CSMD3: variants seen among roughly 807,000 people sequenced by gnomAD.
CSMD3 encodes the protein CUB and sushi domain-containing protein 3.
Under a neutral mutation model 435.2 loss-of-function variants are expected in CSMD3, and 177 were observed. That is an observed-to-expected ratio of 0.41 (90% confidence interval 0.36 to 0.46). The LOEUF (loss-of-function observed/expected upper bound fraction) is 0.46. CSMD3 is among the 20% of genes least tolerant of loss of function. The probability of loss-of-function intolerance (pLI) is 0.34; values close to 1 mark genes in which losing one functional copy is unlikely to be tolerated. For missense variants in CSMD3, 4,265 were observed against 4,504.6 expected (o/e 0.95, Z 1.52); for synonymous variants, 1,656 against 1,520.5 (o/e 1.09, Z -2.07).
At position 113,032,608 on chromosome 8, in the gene CSMD3, G is replaced by A. The variant is rs148911478; in HGVS notation, c.918-13429C>T. 1.4e-3 allele frequency among the ~76,000 whole-genome samples: 210 copies of A among 151,706 alleles called. 4 individuals carry two copies. The highest frequency in any genetic ancestry group is 3.4e-3 in the Middle Eastern group (1 of 294). ...GAGATGGTTTGAAATTGGAATTTAC[G>A]TTTAAAAGGAAAGTAAAGCATAAAG... On this transcript the variant is annotated intron_variant, in intron 5 of 70. Coordinates refer to ENST00000297405, the MANE Select transcript of CSMD3 (RefSeq NM_198123.2).
intron 32 of CSMD3, among the ~76,000 whole-genome samples, chr8:112,464,038 C>T (rs1418018197): frequency 5.3e-5 from 8 of 151,944 alleles, no homozygotes; most frequent in Non-Finnish European, 1.0e-4. Flanking sequence ...AGATCGAGAC[C>T]ATCCTGGCTA....
chr8:113,152,321 T>G (rs1465137669), intron 4 of CSMD3, among the ~76,000 whole-genome samples: 2 of 152,038 alleles, frequency 1.3e-5, no homozygotes, highest in Non-Finnish European at 2.9e-5. Flanking sequence ...TAAAATACTC[T>G]CTATTTCACG....
chr8:112,804,322 A>C, intron 12 of CSMD3, among the ~76,000 whole-genome samples: 1 of 140,340 alleles, frequency 7.1e-6, no homozygotes, highest in South Asian at 2.3e-4. Context: ...GTGAAGAAGA[A>C]AATAAATTAA....
At chr8:112,938,351 C>T (rs563049033) in intron 9 of CSMD3, among the ~76,000 whole-genome samples, 76 of 152,302 alleles carry the variant, frequency 5.0e-4, no homozygotes, top group African/African-American at 1.7e-3. Context: ...TGACTGTATA[C>T]CTCGAATTGT....
At chr8:112,635,006 T>C (rs1405205161) in intron 22 of CSMD3, among the ~76,000 whole-genome samples, 1 of 151,958 alleles carries the variant, frequency 6.6e-6, no homozygotes, top group African/African-American at 2.4e-5. Context: ...GATAATAATA[T>C]CAGGATTTTA....
chr8:112,645,126 T>G lies in CSMD3; in HGVS notation c.3293A>C (p.Asp1098Ala). The change falls in exon 20 of 71, where the codon GAT becomes GCT. Residue 1098 changes from aspartate (D) to alanine (A), a missense_variant. Physicochemically the swap from Asp to Ala is moderately radical, Grantham distance 126. Around this residue, in one of 3 missense-constraint regions of CSMD3, gnomAD observed 3,255 missense variants for 3,380.2 expected, o/e 0.96. Coordinates refer to ENST00000297405, the MANE Select transcript of CSMD3 (RefSeq NM_198123.2). Reference sequence around the variant, plus strand: ...CAAATTACCTTTTCCATGGGTTACATCAACAGTCCATGTACAATTCAGAGA... The same window carrying G: ...CAAATTACCTTTTCCATGGGTTACAGCAACAGTCCATGTACAATTCAGAGA... ...PNSLNCTWTV[D>A]VTHGKGVQFN... 1 of 1,572,560 alleles carries G rather than the reference T, an allele frequency of 6.4e-7. No individual in the cohort carries two copies. Among genetic ancestry groups the G allele is most frequent in the Non-Finnish European group, 8.8e-7 (1 of 1,142,162 alleles).
intron 3 of CSMD3, among the ~76,000 whole-genome samples, chr8:113,190,476 T>C (rs144863235): frequency 1.3e-4 from 19 of 151,830 alleles, no homozygotes; most frequent in Non-Finnish European, 1.8e-4. Flanking sequence ...AAGAGTCCAT[T>C]TGGGAATGGA....
At chr8:112,678,988 G>GAAAA (rs557957607) in intron 16 of CSMD3, among the ~76,000 whole-genome samples, 1 of 150,166 alleles carries the variant, frequency 6.7e-6, no homozygotes, top group African/African-American at 2.4e-5. Flanking sequence ...ACTGTCTACA[G>GAAAA]AAAAAAGGAG....
At chr8:112,747,792 T>C (rs2077468963) in intron 13 of CSMD3, among the ~76,000 whole-genome samples, 1 of 151,466 alleles carries the variant, frequency 6.6e-6, no homozygotes, top group East Asian at 2.0e-4. Flanking sequence ...TGAAACCCCG[T>C]CTCTACTAAA....
intron 13 of CSMD3, among the ~76,000 whole-genome samples, chr8:112,714,063 C>T (rs2076670457): frequency 1.3e-5 from 2 of 152,048 alleles, no homozygotes; most frequent in South Asian, 4.1e-4. Context: ...ATCAAATTCC[C>T]ACATAATAAT....
chr8:112,845,106 C>T (rs1176279328), intron 11 of CSMD3, among the ~76,000 whole-genome samples: 3 of 151,916 alleles, frequency 2.0e-5, no homozygotes, highest in Non-Finnish European at 2.9e-5. Flanking sequence ...AGAGACATTC[C>T]TAGAAAGAGC....
intron 1 of CSMD3, among the ~76,000 whole-genome samples, chr8:113,400,025 G>A (rs2094502916): frequency 1.3e-5 from 2 of 151,660 alleles, no homozygotes; most frequent in African/African-American, 4.8e-5. Context: ...TGTTATGAAA[G>A]GCAATGGTGA....
At chr8:112,789,891 A>C (rs968802475) in intron 13 of CSMD3, among the ~76,000 whole-genome samples, 1 of 152,004 alleles carries the variant, frequency 6.6e-6, no homozygotes, top group Non-Finnish European at 1.5e-5. Context: ...TAATGAATGC[A>C]TGGGAATATT....
intron 27 of CSMD3, among the ~76,000 whole-genome samples, chr8:112,534,413 TA>T (rs1825849888): frequency 6.6e-6 from 1 of 152,062 alleles, no homozygotes; most frequent in African/African-American, 2.4e-5. Flanking sequence ...AACTAGCAAA[TA>T]AACTAGAAAA....
intron 27 of CSMD3, among the ~76,000 whole-genome samples, chr8:112,538,095 T>C (rs772550471): frequency 4.0e-5 from 6 of 151,862 alleles, no homozygotes; most frequent in Non-Finnish European, 7.4e-5. Context: ...ATAAACTATA[T>C]GAAGCATTGC....
intron 15 of CSMD3, 95 bp downstream of exon 15, chr8:112,685,311 A>G: frequency 1.0e-6 from 1 of 989,950 alleles, no homozygotes; most frequent in Non-Finnish European, 1.5e-6. Flanking sequence ...AAATTTTCTT[A>G]ACTAGGAAAC....
At chr8:113,394,825 A>G (rs572522192) in intron 1 of CSMD3, among the ~76,000 whole-genome samples, 2 of 152,298 alleles carry the variant, frequency 1.3e-5, no homozygotes, top group African/African-American at 4.8e-5. Context: ...TATGTTAAGC[A>G]CTATAATCAA....
chr8:113,066,573 C>G lies in CSMD3; in HGVS notation c.917+32183G>C, dbSNP rs2088869030. Among the ~76,000 whole-genome samples the G allele has an allele frequency of 2.6e-5, 4 of 152,184 alleles. No individual in the cohort carries two copies. In the South Asian group the frequency reaches 8.3e-4, roughly 32 times the overall value. On this transcript the variant is annotated intron_variant, in intron 5 of 70. Coordinates refer to ENST00000297405, the MANE Select transcript of CSMD3 (RefSeq NM_198123.2). Reference sequence around the variant, plus strand: ...AAATTAACTGTGTCCCAGATTCCAGCTCTCAATACATCAGAGAAAAATATA... The same window carrying G: ...AAATTAACTGTGTCCCAGATTCCAGGTCTCAATACATCAGAGAAAAATATA...
rs751552052 is a variant in CSMD3, at chr8:112,255,257, T to C, written c.10033A>G (p.Ile3345Val). 7.4e-6 allele frequency: 12 copies of C among 1,611,216 alleles called. No individual in the cohort carries two copies. The highest frequency in any genetic ancestry group is 1.0e-5 in the Non-Finnish European group (12 of 1,177,618). ...ATCAGCCTTTAATTAATATTACCTA[T>C]GCAGTGAGGTGATGAACCACTCCAA... The part of the protein sequence containing the change: ...GTWSGSSPHC[I>V]EPTQTSCENP... The change falls in exon 62 of 71, where the codon ATA (isoleucine) becomes GTA (valine). Residue 3345 changes from isoleucine to valine, a missense_variant. This residue lies in a region of CSMD3 where 3,255 missense variants were observed against 3,380.2 expected (regional missense o/e 0.96). Transcript: ENST00000297405.
Sources: gnomAD v4.1 joint callset for allele counts (sites outside exome capture counted in the v4.1 genomes callset) on GRCh38, gnomAD v4.1.1 for gene constraint, gnomAD v4.1.1 regional missense constraint, MANE v1.5 for transcripts, NCBI Gene and HGNC (gene_info 2026-07-23, HGNC 2026-07-21) for gene names.